Variants in TDRD12 observed in about 807,000 individuals in gnomAD.
TDRD12 encodes tudor domain containing 12.
TDRD12 carries 158 observed loss-of-function variants against 133.5 expected under a neutral mutation model. The ratio of observed to expected loss-of-function variants is 1.18; its 90% CI spans 1.04 to 1.35. The LOEUF (loss-of-function observed/expected upper bound fraction) is 1.35, where lower values mean the gene tolerates loss of function less well. Among genes scored for constraint, TDRD12 ranks in the 40% most tolerant of loss-of-function variants. The pLI is 0.00. For synonymous variants in TDRD12, 460 were observed against 477.9 expected (o/e 0.96, Z 0.49); for missense variants, 1,443 against 1,321.3 (o/e 1.09, Z -1.43).
intron 10 of TDRD12, among the ~76,000 whole-genome samples, chr19:32,774,051 A>G (rs969705746): frequency 5.3e-5 from 8 of 152,208 alleles, no homozygotes; most frequent in Non-Finnish European, 1.0e-4. Context: ...CGGAAAGAGA[A>G]GAATGGTTTC....
rs143245564 is a variant in TDRD12, at chr19:32,808,528, C to T, written c.2652+880C>T. ...TCTTCTCTGTGCCCCTTGTAAAGGACGTTTCATTGGAGGGAGGGCCCACCT... is the reference window on the plus strand; with the variant it reads ...TCTTCTCTGTGCCCCTTGTAAAGGATGTTTCATTGGAGGGAGGGCCCACCT... On this transcript the variant is annotated intron_variant, in intron 22 of 27. Transcript: ENST00000444215. 5.1e-4 allele frequency among the ~76,000 whole-genome samples: 77 copies of T among 152,260 alleles called. 2 individuals are homozygous for T. In the East Asian group the frequency reaches 7.9e-3, roughly 16 times the overall value.
chr19:32,772,876 A>G, intron 9 of TDRD12, 26 bp downstream of exon 9: 2 of 1,324,306 alleles, frequency 1.5e-6, no homozygotes, highest in Non-Finnish European at 2.0e-6. Flanking sequence ...TGTTCTTTAA[A>G]TACAAAGTTC....
chr19:32,735,882 A>AT, intron 2 of TDRD12, among the ~76,000 whole-genome samples: 1 of 152,290 alleles, frequency 6.6e-6, no homozygotes, highest in South Asian at 2.1e-4. Context: ...AGGCAGGAGA[A>AT]TTGCTTGAAC....
intron 8 of TDRD12, among the ~76,000 whole-genome samples, chr19:32,762,717 C>G (rs1970185767): frequency 6.6e-6 from 1 of 152,104 alleles, no homozygotes. Flanking sequence ...AAAGAATGAC[C>G]TAGTTTGTAT....
intron 24 of TDRD12, among the ~76,000 whole-genome samples, chr19:32,813,066 C>T (rs1017959131): frequency 2.0e-5 from 3 of 152,180 alleles, no homozygotes; most frequent in African/African-American, 7.2e-5. Flanking sequence ...GTCTCAGCTA[C>T]TGGGGAGGCT....
chr19:32,822,060 G>T (rs140149617), downstream of TDRD12, among the ~76,000 whole-genome samples: 878 of 152,308 alleles, frequency 5.8e-3, 9 homozygotes, highest in African/African-American at 0.02. Flanking sequence ...GGCAGAGGTT[G>T]CAGTGAGCCA....
At chr19:32,813,281 G>A (rs1301110708) in intron 24 of TDRD12, among the ~76,000 whole-genome samples, 1 of 152,244 alleles carries the variant, frequency 6.6e-6, no homozygotes, top group Non-Finnish European at 1.5e-5. Flanking sequence ...CCATTGCAGT[G>A]ACGGCCTTGG....
At chr19:32,782,649 G>T (rs1156384405) in intron 11 of TDRD12, among the ~76,000 whole-genome samples, 1 of 152,118 alleles carries the variant, frequency 6.6e-6, no homozygotes, top group Non-Finnish European at 1.5e-5. Flanking sequence ...ACTTTTTAAT[G>T]ATCGCCATTC....
chr19:32,826,256 A>G, downstream of TDRD12: 1 of 1,470,780 alleles, frequency 6.8e-7, no homozygotes, highest in African/African-American at 1.4e-5. Flanking sequence ...TCCACCCACA[A>G]ATAAAATGGT....
chr19:32,766,754 A>G (rs1399290631), intron 8 of TDRD12, among the ~76,000 whole-genome samples: 1 of 151,870 alleles, frequency 6.6e-6, no homozygotes, highest in East Asian at 1.9e-4. Context: ...AGCTGGGACT[A>G]CAAGCATGCA....
At chr19:32,781,814 C>A (rs1970775315) in intron 11 of TDRD12, among the ~76,000 whole-genome samples, 1 of 151,894 alleles carries the variant, frequency 6.6e-6, no homozygotes, top group East Asian at 1.9e-4. Context: ...GTGGACACTT[C>A]CAGTGTGTAG....
chr19:32,754,080 T>C (rs1969919130), intron 6 of TDRD12, among the ~76,000 whole-genome samples: 1 of 152,226 alleles, frequency 6.6e-6, no homozygotes, highest in African/African-American at 2.4e-5. Flanking sequence ...CATTTGTTAC[T>C]GCTTATATTG....
chr19:32,771,559 C>G (rs775832602), intron 8 of TDRD12, among the ~76,000 whole-genome samples: 1 of 149,740 alleles, frequency 6.7e-6, no homozygotes, highest in African/African-American at 2.4e-5. Context: ...TTCATATCGT[C>G]AGATGTGGAT....
chr19:32,789,721 C>T (rs1971012679), intron 11 of TDRD12, among the ~76,000 whole-genome samples: 1 of 152,178 alleles, frequency 6.6e-6, no homozygotes, highest in Non-Finnish European at 1.5e-5. Flanking sequence ...ATTTACAGGG[C>T]CGGGCGCAGT....
intron 14 of TDRD12, among the ~76,000 whole-genome samples, chr19:32,795,267 A>C (rs1345305418): frequency 6.6e-6 from 1 of 151,550 alleles, no homozygotes; most frequent in Non-Finnish European, 1.5e-5. Context: ...TGGGAGGCGA[A>C]GGTTGCAGTG....
At chr19:32,757,352 A>G (rs769498664) in intron 8 of TDRD12, among the ~76,000 whole-genome samples, 1 of 152,230 alleles carries the variant, frequency 6.6e-6, no homozygotes, top group African/African-American at 2.4e-5. Flanking sequence ...GCACCAGTTC[A>G]TGTGCAGGAC....
chr19:32,778,899 A>G (rs1302566891), intron 11 of TDRD12, among the ~76,000 whole-genome samples: 12 of 152,196 alleles, frequency 7.9e-5, no homozygotes, highest in Admixed American at 7.9e-4. Context: ...CACTGATTAA[A>G]CAACATCAGT....
At chr19:32,752,318 A>G (rs1342777089) in intron 6 of TDRD12, among the ~76,000 whole-genome samples, 2 of 151,946 alleles carry the variant, frequency 1.3e-5, no homozygotes, top group Admixed American at 6.6e-5. Flanking sequence ...TAGCTGGGAT[A>G]ACAGGTGCCT....
chr19:32,724,589 G>A (rs979279217), intron 1 of TDRD12, among the ~76,000 whole-genome samples: 12 of 152,184 alleles, frequency 7.9e-5, no homozygotes, highest in African/African-American at 2.9e-4. Context: ...ATTCCATGGT[G>A]TATATGTACC....
Sources: allele counts gnomAD v4.1 joint callset (sites outside exome capture counted in the v4.1 genomes callset), GRCh38; gene constraint gnomAD v4.1.1; transcripts MANE v1.5; gene names NCBI Gene and HGNC (gene_info 2026-07-23, HGNC 2026-07-21).